ITGAL: variants seen among roughly 807,000 people sequenced by gnomAD.
ITGAL encodes integrin subunit alpha L, also known as integrin alpha-L.
ITGAL carries 68 observed loss-of-function variants against 138.4 expected under a neutral mutation model. The observed-to-expected ratio is 0.49, with a 90% CI of 0.40 to 0.60. ITGAL has a LOEUF of 0.60. Among genes scored for constraint, ITGAL ranks in the 20% least tolerant of loss-of-function variants. The pLI, the probability that ITGAL is intolerant of heterozygous loss-of-function variation, is 0.00. For missense variants in ITGAL, 1,256 were observed against 1,478.6 expected (o/e 0.85, Z 2.47); for synonymous variants, 561 against 584.3 (o/e 0.96, Z 0.57).
intron 9 of ITGAL, among the ~76,000 whole-genome samples, chr16:30,485,393 A>AT (rs1375860584): frequency 2.0e-5 from 3 of 147,632 alleles, no homozygotes; most frequent in Non-Finnish European, 4.5e-5. Flanking sequence ...CGCCTGGCTA[A>AT]TTTTTGTATT....
At chr16:30,511,190 C>A in intron 24 of ITGAL, 54 bp downstream of exon 24, 1 of 1,387,344 alleles carries the variant, frequency 7.2e-7, no homozygotes, top group Non-Finnish European at 1.0e-6. Context: ...AGCCTCCCAA[C>A]CCAGGGCCCC....
intron 17 of ITGAL, among the ~76,000 whole-genome samples, chr16:30,500,501 A>G (rs950585926): frequency 1.3e-5 from 2 of 152,058 alleles, no homozygotes; most frequent in Non-Finnish European, 2.9e-5. Context: ...CTACAAGTGC[A>G]CACCACTGTG....
intron 30 of ITGAL, among the ~76,000 whole-genome samples, chr16:30,520,983 C>A (rs2051244254): frequency 6.6e-6 from 1 of 152,118 alleles, no homozygotes; most frequent in Non-Finnish European, 1.5e-5. Flanking sequence ...GCTCAGGAGG[C>A]TGAGGCAGGA....
intron 24 of ITGAL, among the ~76,000 whole-genome samples, chr16:30,512,076 T>C (rs2051098897): frequency 6.6e-6 from 1 of 152,198 alleles, no homozygotes. Context: ...TATAAATCTT[T>C]AACAAAACAT....
chr16:30,486,628 A>G (rs1217915460), intron 9 of ITGAL, among the ~76,000 whole-genome samples: 1 of 152,144 alleles, frequency 6.6e-6, no homozygotes, highest in African/African-American at 2.4e-5. Flanking sequence ...GTGCAAGCCC[A>G]GGGGCGGGGA....
chr16:30,517,775 C>T, intron 27 of ITGAL, 22 bp from the exon 28 acceptor site: 1 of 1,613,796 alleles, frequency 6.2e-7, no homozygotes, highest in Non-Finnish European at 8.5e-7. Context: ...CGCCCTGACC[C>T]CGCTTTCCTC....
chr16:30,514,212 G>C (rs1325093863), intron 25 of ITGAL, among the ~76,000 whole-genome samples: 1 of 151,932 alleles, frequency 6.6e-6, no homozygotes, highest in Admixed American at 6.6e-5. Context: ...CCAAGTTCAA[G>C]CAATTCTCCT....
intron 24 of ITGAL, among the ~76,000 whole-genome samples, chr16:30,512,622 T>A (rs1426595608): frequency 6.6e-6 from 1 of 151,472 alleles, no homozygotes; most frequent in East Asian, 1.9e-4. Context: ...ATCGAGTGGC[T>A]TTTTCCAGTT....
In ITGAL at chr16:30,505,924, A is replaced by T. The variant is rs995792406; in HGVS notation, c.2366+462A>T. On this transcript the variant is annotated intron_variant, in intron 20 of 30. Coordinates refer to ENST00000356798, the MANE Select transcript of ITGAL (RefSeq NM_002209.3). Reference sequence around the variant, plus strand: ...AAAGCAAATCCCTCATGGAACTCCTATCAGTCATCAGTAAATGAGATTGCA... The same window carrying T: ...AAAGCAAATCCCTCATGGAACTCCTTTCAGTCATCAGTAAATGAGATTGCA... Among the ~76,000 whole-genome samples the T allele has an allele frequency of 3.3e-5, 5 of 152,138 alleles. No homozygotes were observed. The East Asian group carries it at 9.6e-4, about 29-fold the overall frequency.
chr16:30,494,899 T>A lies in ITGAL; in HGVS notation c.1503+49T>A. The A allele has an allele frequency of 6.5e-7, 1 of 1,531,600 alleles. No homozygotes were observed. The highest frequency in any genetic ancestry group is 1.2e-5 in the South Asian group (1 of 81,770). 94.9% of individuals were successfully genotyped at this position (1,531,600 alleles called of 1,614,324 possible). On this transcript the variant is annotated intron_variant, in intron 13 of 30. Coordinates refer to ENST00000356798, the MANE Select transcript of ITGAL (RefSeq NM_002209.3). This position sits in a 1 kb window ranked among gnomAD's most constrained non-coding sequence, Gnocchi z 4.2. ...GAGGGAGGAGGGAGAGCAGCAGAGATTCGCAGCTCCCAGTTATTCTGAAGG... is the reference window on the plus strand; with the variant it reads ...GAGGGAGGAGGGAGAGCAGCAGAGAATCGCAGCTCCCAGTTATTCTGAAGG...
chr16:30,483,930 G>A lies in ITGAL; in HGVS notation c.826G>A (p.Ala276Thr). 1 of 1,613,848 alleles carries A rather than the reference G, an allele frequency of 6.2e-7. No individual in the cohort carries two copies. Among genetic ancestry groups the A allele is most frequent in the Admixed American group, 1.7e-5 (1 of 59,974 alleles). ...EATDSGNIDAAKDIIRYIIGI... is the reference protein window; with the variant it reads ...EATDSGNIDATKDIIRYIIGI... ...CACTGACAGTGGCAACATCGATGCGGCCAAAGACATCATCCGCTACATCAT... is the reference window on the plus strand; with the variant it reads ...CACTGACAGTGGCAACATCGATGCGACCAAAGACATCATCCGCTACATCAT... Residue 276 changes from alanine to threonine, a missense_variant, in exon 8 of 31, where the codon GCC becomes ACC. Ala to Thr is a moderately conservative substitution (Grantham distance 58). Coordinates refer to ENST00000356798, the MANE Select transcript of ITGAL (RefSeq NM_002209.3).
intron 17 of ITGAL, among the ~76,000 whole-genome samples, chr16:30,503,045 C>T (rs1369017613): frequency 2.0e-5 from 3 of 151,912 alleles, no homozygotes; most frequent in Non-Finnish European, 4.4e-5. Context: ...AAACTCCTGA[C>T]CTCAGGTGAT....
chr16:30,475,456 G>A, intron 3 of ITGAL, 56 bp downstream of exon 3: 1 of 1,598,322 alleles, frequency 6.3e-7, no homozygotes. Flanking sequence ...ACTGAGGCTG[G>A]CCCCAGCCCA....
chr16:30,516,676 G>A (rs2051170729), intron 25 of ITGAL, among the ~76,000 whole-genome samples: 1 of 152,182 alleles, frequency 6.6e-6, no homozygotes, highest in Non-Finnish European at 1.5e-5. Flanking sequence ...CCCAGGAGGG[G>A]GAGCTGCCCT....
intron 9 of ITGAL, among the ~76,000 whole-genome samples, chr16:30,486,080 T>C (rs1289039855): frequency 6.6e-6 from 1 of 152,118 alleles, no homozygotes; most frequent in East Asian, 1.9e-4. Context: ...AGATTTATAT[T>C]GTGGTCACCA....
intron 4 of ITGAL, 120 bp downstream of exon 4, chr16:30,475,700 A>G (rs1597060442): frequency 1.5e-6 from 1 of 648,366 alleles, no homozygotes; most frequent in Non-Finnish European, 2.8e-6. Flanking sequence ...ATCAGAGTCA[A>G]TTAGTGTTTA....
intron 2 of ITGAL, 138 bp from the exon 3 acceptor site, chr16:30,475,168 G>A: frequency 1.5e-6 from 1 of 677,678 alleles, no homozygotes. Context: ...CACCCCACCT[G>A]GCCAGAGGCA....
At chr16:30,519,300 T>C (rs1372315683) in intron 29 of ITGAL, among the ~76,000 whole-genome samples, 1 of 151,874 alleles carries the variant, frequency 6.6e-6, no homozygotes, top group African/African-American at 2.4e-5. Flanking sequence ...GGAGGATCGT[T>C]TGAGCACAGG....
intron 11 of ITGAL, among the ~76,000 whole-genome samples, chr16:30,491,126 G>T (rs1323525955): frequency 6.6e-6 from 1 of 151,776 alleles, no homozygotes; most frequent in Non-Finnish European, 1.5e-5. Flanking sequence ...CTCTAGCTGG[G>T]TGTGGTGGCT....
Sources: gnomAD v4.1 joint callset for allele counts (sites outside exome capture counted in the v4.1 genomes callset) on GRCh38, gnomAD v4.1.1 for gene constraint, Gnocchi (gnomAD v3.1) non-coding constraint, MANE v1.5 for transcripts, NCBI Gene and HGNC (gene_info 2026-07-23, HGNC 2026-07-21) for gene names.